CCDC187: variants seen among roughly 807,000 people sequenced by gnomAD.
The protein encoded by CCDC187 is coiled-coil domain-containing protein 187.
Under a neutral mutation model 38.0 loss-of-function variants are expected in CCDC187, and 32 were observed. The observed-to-expected ratio is 0.84, with a 90% CI of 0.64 to 1.13. CCDC187 has a LOEUF of 1.13. Among genes scored for constraint, CCDC187 ranks in the 50% most tolerant of loss-of-function variants. The pLI, the probability that CCDC187 is intolerant of heterozygous loss-of-function variation, is 0.00. For synonymous variants in CCDC187, 333 were observed against 347.9 expected, an observed-to-expected ratio of 0.96 and a Z score of 0.48; for missense variants, 707 against 786.8, an observed-to-expected ratio of 0.90 and a Z score of 1.21.
At chr9:136,302,125 G>A (rs1306169105) in intron 2 of CCDC187, among the ~76,000 whole-genome samples, 3 of 152,110 alleles carry the variant, frequency 2.0e-5, no homozygotes, top group East Asian at 1.9e-4. Context: ...CAGGAGAATC[G>A]CTTGAACCCG....
chr9:136,275,448 ACACACACGTGCACACACACCCACACG>A (rs1331099965), intron 12 of CCDC187, among the ~76,000 whole-genome samples: 1 of 132,274 alleles, frequency 7.6e-6, no homozygotes, highest in East Asian at 2.1e-4. Flanking sequence ...ACTCCCACAC[ACACACACGTGCACACACACCCACACG>A]CGTGCACACA....
chr9:136,296,136 C>T (rs2131342037), intron 4 of CCDC187: 1 of 152,430 alleles, frequency 6.6e-6, no homozygotes, highest in Non-Finnish European at 1.5e-5. Flanking sequence ...TGCTTAGGCA[C>T]CTGGGCACGG....
Position 136,290,569 on chromosome 9 carries a change from C to A in CCDC187, c.2044G>T (p.Ala682Ser), listed in dbSNP as rs1271253432. 2 of 398,920 alleles carry A rather than the reference C, an allele frequency of 5.0e-6. No homozygotes were observed. Among genetic ancestry groups the A allele is most frequent in the East Asian group, 3.6e-5 (1 of 28,102 alleles). The allele number at this position is 398,920 out of a possible 1,614,324, so 24.7% of individuals were successfully genotyped here. The change falls in exon 6 of 26, where the codon GCC (alanine) becomes TCC (serine). Residue 682 changes from alanine (A) to serine (S), a missense_variant. Ala to Ser is a moderately conservative substitution (Grantham distance 99). Transcript: ENST00000638797. ...LQEVYRQQRE[A>S]VLGRAVPVVS... ...ACGGGGACCGCCCTGCCGAGGACGG[C>A]CTCCCTCTGCTGCCGGTAGACCTCC...
At chr9:136,275,279 G>A (rs1830910387) in intron 12 of CCDC187, among the ~76,000 whole-genome samples, 3 of 152,292 alleles carry the variant, frequency 2.0e-5, no homozygotes, top group Admixed American at 6.5e-5. Flanking sequence ...CATGGAGACG[G>A]GTGGGAAGGA....
chr9:136,259,986 C>G, intron 20 of CCDC187, 133 bp downstream of exon 20: 1 of 758,830 alleles, frequency 1.3e-6, no homozygotes, highest in African/African-American at 1.9e-5. Context: ...CGGGGTGGCC[C>G]GGTCACAGGC....
intron 11 of CCDC187, 64 bp from the exon 12 acceptor site, chr9:136,276,365 C>A (rs1349040906): frequency 6.6e-6 from 1 of 152,166 alleles, no homozygotes; most frequent in Non-Finnish European, 1.5e-5. Context: ...GGGCCCCTTC[C>A]TCGGGGGTCA....
rs192028191 is a variant in CCDC187 at position 136,258,549 on chromosome 9, C to G, written c.4366+383G>C. 0.025 allele frequency among the ~76,000 whole-genome samples: 3,871 copies of G among 152,068 alleles called. 249 individuals are homozygous for G. The highest frequency in any genetic ancestry group is 0.24 in the East Asian group (1,199 of 5,054). Reference sequence around the variant, plus strand: ...TTGGGGACTTGGCTCTCGGGGGGGGCCCCGGCCAAGTGTAAGGTTCAGAAA... The same window carrying G: ...TTGGGGACTTGGCTCTCGGGGGGGGGCCCGGCCAAGTGTAAGGTTCAGAAA... On this transcript the variant is annotated intron_variant, in intron 22 of 25. Coordinates refer to ENST00000638797, the MANE Select transcript of CCDC187 (RefSeq NM_001378188.1). This position sits in a 1 kb window ranked among gnomAD's most constrained non-coding sequence, Gnocchi z 4.3.
rs1292101348 is a variant in CCDC187 at position 136,253,690 on chromosome 9, G to A, written c.6138C>T (p.Asp2046=). 4.6e-5 allele frequency: 45 copies of A among 985,410 alleles called. No individual in the cohort carries two copies. The highest frequency in any genetic ancestry group is 9.4e-5 in the South Asian group (2 of 21,296). 61.0% of individuals were successfully genotyped at this position (985,410 alleles called of 1,614,324 possible). A position where few individuals can be genotyped will look rare whatever the true frequency, so the allele number is the denominator to read the frequency against. ...ACAAATCCTGGGTGGTGATGGCGGT[G>A]TCCTCCTCAAGGGGCCCCGAGGGCG... ...PSPPSGPLEE[D]TAITTQDLSS... Residue 2046 remains aspartate (D), a synonymous_variant, in exon 26 of 26, where the codon GAC becomes GAT. Transcript: ENST00000638797.
At chr9:136,305,954 G>T (rs1002395667), upstream of CCDC187, among the ~76,000 whole-genome samples, 13 of 152,292 alleles carry the variant, frequency 8.5e-5, no homozygotes, top group South Asian at 2.1e-4. Context: ...CCCGAAGGCG[G>T]GTCCACCTGT....
In CCDC187 at chr9:136,290,583, C is replaced by T. The variant is rs961703126; in HGVS notation, c.2030G>A (p.Arg677Gln). ...LRSRRLQEVY[R>Q]QQREAVLGRA... is the part of the protein sequence containing the mutation. ...GCCGAGGACGGCCTCCCTCTGCTGC[C>T]GGTAGACCTCCTGCAGCCTCCGGCT... Residue 677 changes from arginine (R) to glutamine (Q), a missense_variant, in exon 6 of 26, where the codon CGG (arginine) becomes CAG (glutamine). Arg to Gln is a conservative substitution (Grantham distance 43). Transcript: ENST00000638797. 5.5e-5 allele frequency: 22 copies of T among 398,928 alleles called. No individual in the cohort carries two copies. Among genetic ancestry groups the T allele is most frequent in the African/African-American group, 1.8e-4 (9 of 48,760 alleles). 24.7% of individuals were successfully genotyped at this position (398,928 alleles called of 1,614,324 possible). A position where few individuals can be genotyped will look rare whatever the true frequency, so the allele number is the denominator to read the frequency against.
intron 20 of CCDC187, among the ~76,000 whole-genome samples, 187 bp downstream of exon 20, chr9:136,259,927 GCAAAC>G (rs1306375293): frequency 6.6e-6 from 1 of 152,218 alleles, no homozygotes; most frequent in Non-Finnish European, 1.5e-5. Flanking sequence ...CCGCCTGCTG[GCAAAC>G]CCACTGTGTG....
chr9:136,297,674 T>C (rs1417380365), intron 4 of CCDC187, 40 bp downstream of exon 4: 15 of 399,390 alleles, frequency 3.8e-5, no homozygotes, highest in Admixed American at 8.8e-5. Flanking sequence ...CAGGATCATA[T>C]GCACCTAGCG....
chr9:136,255,000 TG>T lies in CCDC187; in HGVS notation c.4827del (p.Thr1610ArgfsTer12), dbSNP rs1352597545. 3.0e-6 allele frequency: 3 copies of T among 985,352 alleles called. No individual in the cohort carries two copies. Among genetic ancestry groups the T allele is most frequent in the Non-Finnish European group, 3.6e-6 (3 of 829,974 alleles). 61.0% of individuals were successfully genotyped at this position (985,352 alleles called of 1,614,324 possible). A position where few individuals can be genotyped will look rare whatever the true frequency, so the allele number is the denominator to read the frequency against. ...SGTCWGPSEE[A>X]TVSSHTSPAG... is the part of the protein sequence containing the mutation. ...GCTGGGGAGGTGTGGGATGACACCG[TG>T]GCTTCTTCCGAAGGCCCCCAGCAGG... On this transcript the variant is annotated frameshift_variant, in exon 26 of 26. Transcript: ENST00000638797. LOFTEE classifies it low-confidence loss of function (END_TRUNC).
chr9:136,293,237 TCACACTCACA>T (rs1304514174), intron 4 of CCDC187, among the ~76,000 whole-genome samples: 1,908 of 119,724 alleles, frequency 0.016, 87 homozygotes, highest in African/African-American at 0.058. Flanking sequence ...ACTCACACGC[TCACACTCACA>T]TGCTTACACA....
intron 14 of CCDC187, among the ~76,000 whole-genome samples, chr9:136,268,692 C>A (rs782571096): frequency 4.6e-5 from 7 of 152,180 alleles, no homozygotes; most frequent in Non-Finnish European, 1.0e-4. Flanking sequence ...CACGTAAATA[C>A]ACACACACAT....
At chr9:136,277,416 GTGGGTGC>G (rs1480775982) in intron 10 of CCDC187, among the ~76,000 whole-genome samples, 42 of 106,882 alleles carry the variant, frequency 3.9e-4, no homozygotes, top group Non-Finnish European at 6.4e-4. Context: ...CACAGGGTGG[GTGGGTGC>G]TGAGGGGGTG....
chr9:136,280,647 C>T (rs1831020966), intron 10 of CCDC187, among the ~76,000 whole-genome samples: 1 of 152,184 alleles, frequency 6.6e-6, no homozygotes, highest in African/African-American at 2.4e-5. Context: ...ACTCCCAAGC[C>T]CCACAGCCGG....
At chr9:136,293,329 T>TCACACACAC (rs1831402301) in intron 4 of CCDC187, among the ~76,000 whole-genome samples, 2 of 137,878 alleles carry the variant, frequency 1.5e-5, no homozygotes, top group East Asian at 2.2e-4. Flanking sequence ...ACTCACATGC[T>TCACACACAC]TACACACTCA....
chr9:136,289,548 G>T (rs1432213579), intron 7 of CCDC187, among the ~76,000 whole-genome samples: 3 of 148,510 alleles, frequency 2.0e-5, no homozygotes, highest in Non-Finnish European at 4.5e-5. Context: ...AAAAAGAATA[G>T]GCAAATCCGT....
Sources: gnomAD v4.1 joint callset for allele counts (sites outside exome capture counted in the v4.1 genomes callset) on GRCh38, gnomAD v4.1.1 for gene constraint, Gnocchi (gnomAD v3.1) non-coding constraint, MANE v1.5 for transcripts, NCBI Gene and HGNC (gene_info 2026-07-23, HGNC 2026-07-21) for gene names.